Variants in ADGRL2 observed in about 807,000 individuals in gnomAD.
ADGRL2 encodes adhesion G protein-coupled receptor L2, also known as calcium-independent alpha-latrotoxin receptor 2.
Under a neutral mutation model 157.4 loss-of-function variants are expected in ADGRL2, and 44 were observed. The observed-to-expected ratio is 0.28, with a 90% CI of 0.22 to 0.36. ADGRL2 has a LOEUF of 0.36. Ranked by LOEUF, ADGRL2 falls within the 10% of genes least tolerant of loss-of-function variation. The probability of loss-of-function intolerance (pLI) is 1.00; values close to 1 mark genes in which losing one functional copy is unlikely to be tolerated. For missense variants in ADGRL2, 1,510 were observed against 1,768.9 expected, an observed-to-expected ratio of 0.85 and a Z score of 2.63; for synonymous variants, 585 against 624.7, an observed-to-expected ratio of 0.94 and a Z score of 0.95.
rs115220730 is a variant in ADGRL2 at position 81,429,373 on chromosome 1, A to T, written c.-301-15663A>T. ...ATGCAGTGTAAAAGAGCCACAGGCT[A>T]AAAAGCAATGCCTAATCTCTAATTA... On this transcript the variant is annotated intron_variant, in intron 1 of 24. Transcript: ENST00000370721. 6.7e-3 allele frequency among the ~76,000 whole-genome samples: 1,016 copies of T among 152,330 alleles called. 12 individuals are homozygous for T. Among genetic ancestry groups the T allele is most frequent in the African/African-American group, 0.023 (968 of 41,566 alleles).
intron 2 of ADGRL2, among the ~76,000 whole-genome samples, chr1:81,855,420 C>T (rs2093167468): frequency 6.6e-6 from 1 of 151,950 alleles, no homozygotes; most frequent in African/African-American, 2.4e-5. Context: ...CAGCCTGGGC[C>T]ACAGAGCGAG....
At position 81,950,492 on chromosome 1, in the gene ADGRL2, A is replaced by G; in HGVS notation, c.1504+10A>G. 6.2e-7 allele frequency: 1 copy of G among 1,606,718 alleles called. No homozygotes were observed. Among genetic ancestry groups the G allele is most frequent in the South Asian group, 1.1e-5 (1 of 90,238 alleles). On this transcript the variant is annotated intron_variant, in intron 7 of 23. Coordinates refer to ENST00000686636, the MANE Select transcript of ADGRL2 (RefSeq NM_001366006.2). ...CCTAAGGGAACAAGAGGTATTTTCT[A>G]TAAACTACCATGCATACATTTTTCA...
At chr1:81,640,189 AG>A (rs1399866428) in intron 3 of ADGRL2, among the ~76,000 whole-genome samples, 1 of 152,188 alleles carries the variant, frequency 6.6e-6, no homozygotes, top group African/African-American at 2.4e-5. Flanking sequence ...AGAAACTCAA[AG>A]AAAACACATG....
At chr1:81,708,657 C>T (rs2047416) in intron 1 of ADGRL2, among the ~76,000 whole-genome samples, 49,743 of 140,002 alleles carry the variant, frequency 0.36, 8,279 homozygotes, top group Admixed American at 0.42. Context: ...TATATATATA[C>T]ACACACACAT....
In ADGRL2 at chr1:81,734,108, C is replaced by T. The variant is rs149764675; in HGVS notation, c.-142-27703C>T. Among the ~76,000 whole-genome samples the T allele has an allele frequency of 3.0e-3, 461 of 151,776 alleles. 2 individuals are homozygous for T. Among genetic ancestry groups the T allele is most frequent in the Admixed American group, 6.2e-3 (95 of 15,238 alleles). On this transcript the variant is annotated intron_variant, in intron 1 of 20. Transcript: ENST00000359929. ...ACTAACCAACATGGAGAAACCCTGT[C>T]TCTACTAAAAATACAAAATTAGCCA...
chr1:81,382,040 G>A (rs1201071895), intron 1 of ADGRL2, among the ~76,000 whole-genome samples: 1 of 152,082 alleles, frequency 6.6e-6, no homozygotes, highest in Non-Finnish European at 1.5e-5. Flanking sequence ...ACTAATTATC[G>A]ACATGAAAGA....
At chr1:81,721,034 C>CTTTTTT (rs533654243) in intron 1 of ADGRL2, among the ~76,000 whole-genome samples, 6 of 133,242 alleles carry the variant, frequency 4.5e-5, no homozygotes, top group African/African-American at 8.3e-5. Context: ...AAACAATTTC[C>CTTTTTT]TTTTTTTTTT....
chr1:81,429,865 GT>G (rs1337665520), intron 1 of ADGRL2, among the ~76,000 whole-genome samples: 2 of 152,022 alleles, frequency 1.3e-5, no homozygotes, highest in South Asian at 4.1e-4. Context: ...TTATATTGTT[GT>G]TTTTTGTTTT....
intron 2 of ADGRL2, among the ~76,000 whole-genome samples, chr1:81,512,879 A>C (rs941089119): frequency 6.6e-6 from 1 of 152,048 alleles, no homozygotes; most frequent in Non-Finnish European, 1.5e-5. Flanking sequence ...AGTTCAATGG[A>C]ATTTACTTAA....
chr1:81,564,164 T>A (rs1456424394), intron 2 of ADGRL2, among the ~76,000 whole-genome samples: 4 of 152,150 alleles, frequency 2.6e-5, no homozygotes, highest in Non-Finnish European at 5.9e-5. Flanking sequence ...TGGTGGGAAG[T>A]GCGTTGTGTA....
chr1:81,674,153 TTGTAAAGTTTCA>T (rs562787130), intron 3 of ADGRL2, among the ~76,000 whole-genome samples: 76 of 152,358 alleles, frequency 5.0e-4, no homozygotes, highest in Middle Eastern at 3.4e-3. Context: ...AGTGTTTTTC[TTGTAAAGTTTCA>T]TGTAAAGTTT....
intron 1 of ADGRL2, among the ~76,000 whole-genome samples, chr1:81,407,080 G>A (rs1318156758): frequency 6.6e-6 from 1 of 152,138 alleles, no homozygotes; most frequent in Admixed American, 6.5e-5. Context: ...ATTTCCTCCC[G>A]TCTCCAGAAA....
chr1:81,503,390 G>A (rs2078898257), intron 2 of ADGRL2: 1 of 1,613,846 alleles, frequency 6.2e-7, no homozygotes, highest in East Asian at 2.2e-5. Context: ...AGCAGCAGCA[G>A]CAGCTCTCAC....
intron 3 of ADGRL2, chr1:81,581,074 T>C (rs1375346438): frequency 1.3e-5 from 2 of 152,172 alleles, no homozygotes; most frequent in Non-Finnish European, 2.9e-5. Flanking sequence ...GCTCCTTTTG[T>C]AAAAGATGTG....
intron 2 of ADGRL2, among the ~76,000 whole-genome samples, chr1:81,775,578 C>T (rs2086548170): frequency 2.0e-5 from 3 of 150,260 alleles, no homozygotes; most frequent in Admixed American, 2.0e-4. Context: ...AATAGAGGTC[C>T]TGGTTTAAAA....
At chr1:81,887,964 A>G (rs1336800342) in intron 2 of ADGRL2, among the ~76,000 whole-genome samples, 1 of 152,186 alleles carries the variant, frequency 6.6e-6, no homozygotes, top group Non-Finnish European at 1.5e-5. Flanking sequence ...GAATTCAGGG[A>G]AAGAGTCTGG....
At chr1:81,663,599 G>C (rs187853850) in intron 3 of ADGRL2, among the ~76,000 whole-genome samples, 20 of 152,262 alleles carry the variant, frequency 1.3e-4, no homozygotes, top group Admixed American at 1.2e-3. Context: ...ATGTCACTTG[G>C]TAAGTGTGTG....
chr1:81,503,044 G>A (rs548669283), intron 2 of ADGRL2: 6 of 1,611,086 alleles, frequency 3.7e-6, no homozygotes, highest in Non-Finnish European at 5.1e-6. Context: ...TCGGACCGCC[G>A]CACTGGAGCA....
chr1:81,948,386 A>G lies in ADGRL2; in HGVS notation c.1211-1803A>G, dbSNP rs1650628155. On this transcript the variant is annotated intron_variant, in intron 6 of 23. Coordinates refer to ENST00000686636, the MANE Select transcript of ADGRL2 (RefSeq NM_001366006.2). ...TATGAATCTCAACTAATGCTTAGCT[A>G]ACAAATCACTAATTGTAGTATTAAT... is the stretch of plus-strand genomic sequence containing the variant. 3.3e-5 allele frequency among the ~76,000 whole-genome samples: 5 copies of G among 152,200 alleles called. No individual in the cohort carries two copies. The South Asian group carries it at 1.0e-3, about 31-fold the overall frequency.
Sources: allele counts gnomAD v4.1 joint callset (sites outside exome capture counted in the v4.1 genomes callset), GRCh38; gene constraint gnomAD v4.1.1; transcripts MANE v1.5; gene names NCBI Gene and HGNC (gene_info 2026-07-23, HGNC 2026-07-21).